Variants in RRAGD observed in about 807,000 individuals in gnomAD.
RRAGD encodes the protein ras-related GTP-binding protein D.
A neutral mutation model predicts 35.5 loss-of-function variants in RRAGD; 12 were observed. That is an observed-to-expected ratio of 0.34 (90% confidence interval 0.22 to 0.55). The LOEUF is 0.55. Ranked by LOEUF, RRAGD falls within the 20% of genes least tolerant of loss-of-function variation. RRAGD has a pLI of 0.91. For missense variants in RRAGD, 324 were observed against 490.1 expected (o/e 0.66, Z 3.20); for synonymous variants, 155 against 178.9 (o/e 0.87, Z 1.07).
chr6:89,403,576 A>G (rs1769519881), intron 1 of RRAGD, among the ~76,000 whole-genome samples: 1 of 151,012 alleles, frequency 6.6e-6, no homozygotes, highest in African/African-American at 2.4e-5. Flanking sequence ...GGGGATATAT[A>G]TATACATATG....
chr6:89,412,032 C>T lies in RRAGD; in HGVS notation c.-39G>A. On this transcript the variant is annotated 5_prime_UTR_variant, in exon 1 of 7. Coordinates refer to ENST00000369415, the MANE Select transcript of RRAGD (RefSeq NM_021244.5). This position sits in a 1 kb window ranked among gnomAD's most constrained non-coding sequence, Gnocchi z 4.2. Reference sequence around the variant, plus strand: ...CGGCCGGCCCGGGGACGGCGGGGGTCCCGGGGTGGGGGCCAAGCCTCCTAG... The same window carrying T: ...CGGCCGGCCCGGGGACGGCGGGGGTTCCGGGGTGGGGGCCAAGCCTCCTAG... 2.0e-6 allele frequency: 3 copies of T among 1,513,876 alleles called. No individual in the cohort carries two copies. The highest frequency in any genetic ancestry group is 2.6e-6 in the Non-Finnish European group (3 of 1,135,960). The allele number at this position is 1,513,876 out of a possible 1,614,324, so 93.8% of individuals were successfully genotyped here.
At chr6:89,392,479 C>CAAAA (rs113271127) in intron 1 of RRAGD, among the ~76,000 whole-genome samples, 1 of 141,658 alleles carries the variant, frequency 7.1e-6, no homozygotes, top group Non-Finnish European at 1.5e-5. Flanking sequence ...AACCCTGTCT[C>CAAAA]GAAAAAAAAA....
At chr6:89,373,673 A>G (rs1439016430) in intron 5 of RRAGD, among the ~76,000 whole-genome samples, 1 of 151,598 alleles carries the variant, frequency 6.6e-6, no homozygotes, top group East Asian at 1.9e-4. Flanking sequence ...TGTGGTGTGC[A>G]GACACAAGTG....
chr6:89,385,391 T>C (rs1046316991), intron 2 of RRAGD, among the ~76,000 whole-genome samples: 9 of 152,114 alleles, frequency 5.9e-5, no homozygotes, highest in African/African-American at 1.9e-4. Flanking sequence ...AGCTGCTGCG[T>C]GACTTAGGGA....
chr6:89,370,312 A>G (rs544859120), intron 6 of RRAGD, among the ~76,000 whole-genome samples: 3 of 152,380 alleles, frequency 2.0e-5, no homozygotes, highest in South Asian at 4.1e-4. Context: ...AGGACACAAA[A>G]GGCAATTTGG....
At chr6:89,406,536 A>G (rs148648442) in intron 1 of RRAGD, among the ~76,000 whole-genome samples, 3 of 152,184 alleles carry the variant, frequency 2.0e-5, no homozygotes, top group Non-Finnish European at 2.9e-5. Flanking sequence ...TTGGGAGCAC[A>G]CCAGTTTGGC....
intron 1 of RRAGD, among the ~76,000 whole-genome samples, chr6:89,391,597 G>C (rs369596728): frequency 7.9e-5 from 12 of 152,166 alleles, no homozygotes; most frequent in African/African-American, 2.4e-4. Flanking sequence ...CCAGTGGCTA[G>C]AGAGAAGGGA....
intron 6 of RRAGD, among the ~76,000 whole-genome samples, chr6:89,369,924 CT>C (rs1314389228): frequency 6.6e-6 from 1 of 152,144 alleles, no homozygotes; most frequent in Non-Finnish European, 1.5e-5. Context: ...TTCACCCCAC[CT>C]ACAGTTCATA....
chr6:89,371,287 G>C (rs1251236721), intron 6 of RRAGD, among the ~76,000 whole-genome samples: 1 of 151,830 alleles, frequency 6.6e-6, no homozygotes, highest in Non-Finnish European at 1.5e-5. Context: ...CGAGGAGTTT[G>C]AGACCAGCCT....
In RRAGD at chr6:89,411,820, C is replaced by A; in HGVS notation, c.148+26G>T. On this transcript the variant is annotated intron_variant, in intron 1 of 6. Coordinates refer to ENST00000369415, the MANE Select transcript of RRAGD (RefSeq NM_021244.5). This position sits in a 1 kb window ranked among gnomAD's most constrained non-coding sequence, Gnocchi z 5.6. ...CCAAGGGGAGGAAAGGGGCGCGAGC[C>A]GAGGACGCGGGGGCCGGGCGCTCAC... 1 of 1,540,938 alleles carries A rather than the reference C, an allele frequency of 6.5e-7. No individual in the cohort carries two copies.
intron 2 of RRAGD, among the ~76,000 whole-genome samples, chr6:89,384,730 G>A (rs192383337): frequency 1.3e-4 from 19 of 151,582 alleles, no homozygotes; most frequent in Non-Finnish European, 1.8e-4. Context: ...CAGGAAAATG[G>A]CGTGAACCCA....
intron 1 of RRAGD, among the ~76,000 whole-genome samples, chr6:89,410,416 T>C (rs2127900521): frequency 6.6e-6 from 1 of 152,342 alleles, no homozygotes; most frequent in South Asian, 2.1e-4. Context: ...GGAATTTGAA[T>C]AATAATGAGG....
chr6:89,372,654 G>C, intron 5 of RRAGD, 69 bp from the exon 6 acceptor site: 3 of 1,457,372 alleles, frequency 2.1e-6, no homozygotes, highest in Non-Finnish European at 2.7e-6. Flanking sequence ...CCAGTGACAA[G>C]AGACCGGCTT....
chr6:89,386,938 C>T (rs571453524), intron 2 of RRAGD, among the ~76,000 whole-genome samples: 1 of 152,050 alleles, frequency 6.6e-6, no homozygotes, highest in Admixed American at 6.5e-5. Context: ...AAATAATAAA[C>T]AGTTTAAAAT....
Position 89,411,962 on chromosome 6 carries a change from T to C in RRAGD, c.32A>G (p.Gln11Arg), listed in dbSNP as rs1769710008. ...CTCCTCCTCCGCGTCGTCCTCGTCC[T>C]GCGGCTGCGGCTTCCCCAGCACCTG... The part of the protein sequence containing the change: MSQVLGKPQP[Q>R]DEDDAEEEEE... Residue 11 changes from glutamine to arginine, a missense_variant, in exon 1 of 7, where the codon CAG becomes CGG. Gln to Arg is a conservative substitution (Grantham distance 43). This residue lies in a region of RRAGD where 96 missense variants were observed against 78.7 expected (regional missense o/e 1.22). Coordinates refer to ENST00000369415, the MANE Select transcript of RRAGD (RefSeq NM_021244.5). This position sits in a 1 kb window ranked among gnomAD's most constrained non-coding sequence, Gnocchi z 5.6. 2.0e-6 allele frequency: 3 copies of C among 1,536,936 alleles called. No homozygotes were observed. Among genetic ancestry groups the C allele is most frequent in the Admixed American group, 2.0e-5 (1 of 50,926 alleles).
intron 5 of RRAGD, among the ~76,000 whole-genome samples, chr6:89,376,885 C>T (rs1768957916): frequency 6.6e-6 from 1 of 152,092 alleles, no homozygotes; most frequent in Non-Finnish European, 1.5e-5. Flanking sequence ...TGACCTTAAA[C>T]AACACAGATT....
intron 5 of RRAGD, among the ~76,000 whole-genome samples, chr6:89,373,233 C>A (rs1469614991): frequency 6.6e-6 from 1 of 152,096 alleles, no homozygotes; most frequent in Non-Finnish European, 1.5e-5. Flanking sequence ...CTGATGAATC[C>A]CAGTGAAGAG....
intron 6 of RRAGD, among the ~76,000 whole-genome samples, chr6:89,371,721 A>G (rs796376363): frequency 1.1e-4 from 17 of 152,326 alleles, no homozygotes; most frequent in African/African-American, 4.1e-4. Context: ...TACCCAACAA[A>G]TTAGTAAACC....
At chr6:89,410,414 A>T (rs1360353974) in intron 1 of RRAGD, among the ~76,000 whole-genome samples, 3 of 152,258 alleles carry the variant, frequency 2.0e-5, no homozygotes, top group Non-Finnish European at 2.9e-5. Flanking sequence ...ATGGAATTTG[A>T]ATAATAATGA....
Sources: allele counts gnomAD v4.1 joint callset (sites outside exome capture counted in the v4.1 genomes callset), GRCh38; gene constraint gnomAD v4.1.1; regional missense constraint gnomAD v4.1.1; non-coding constraint Gnocchi (gnomAD v3.1); transcripts MANE v1.5; gene names NCBI Gene and HGNC (gene_info 2026-07-23, HGNC 2026-07-21).